Variants in ERC1 observed in about 807,000 individuals in gnomAD.
ERC1 encodes RAB6 interacting protein 2.
A neutral mutation model predicts 132.0 loss-of-function variants in ERC1; 56 were observed. The observed-to-expected ratio is 0.42, with a 90% CI of 0.34 to 0.53. ERC1 has a LOEUF of 0.53. ERC1 is among the 20% of genes least tolerant of loss of function. ERC1 has a pLI of 0.03. For missense variants in ERC1, 1,202 were observed against 1,349.9 expected (o/e 0.89, Z 1.72); for synonymous variants, 478 against 476.1 (o/e 1.00, Z -0.05).
intron 14 of ERC1, among the ~76,000 whole-genome samples, chr12:1,275,554 G>A (rs2078205410): frequency 6.6e-6 from 1 of 152,178 alleles, no homozygotes; most frequent in Admixed American, 6.5e-5. Context: ...AGGACATGTA[G>A]GGTGATGGCA....
At chr12:1,028,851 CT>C (rs748620568) in intron 2 of ERC1, among the ~76,000 whole-genome samples, 3 of 139,122 alleles carry the variant, frequency 2.2e-5, no homozygotes, top group Admixed American at 7.3e-5. Flanking sequence ...CATATGTTAT[CT>C]TTTTTTTTTT....
At position 1,266,391 on chromosome 12, in the gene ERC1, C is replaced by CTTTTTTTTTTT. The variant is rs71293128; in HGVS notation, c.2619+3247_2619+3257dup. Among the ~76,000 whole-genome samples, 24 of 43,016 alleles carry CTTTTTTTTTTT rather than the reference C, an allele frequency of 5.6e-4. 8 individuals carry two copies. Among genetic ancestry groups the CTTTTTTTTTTT allele is most frequent in the African/African-American group, 7.7e-4 (7 of 9,074 alleles). The allele number at this position is 43,016 out of a possible 152,430, so 28.2% of individuals were successfully genotyped here. ...TATTATTATTTTTATCGTTTCCTGT[C>CTTTTTTTTTTT]TTTTTTTTTTTTTTTTTTTTTTTTT... On this transcript the variant is annotated intron_variant, in intron 14 of 18. Transcript: ENST00000360905.
chr12:1,390,019 A>T (rs1193874714), intron 16 of ERC1, among the ~76,000 whole-genome samples: 1 of 151,910 alleles, frequency 6.6e-6, no homozygotes, highest in East Asian at 1.9e-4. Flanking sequence ...TTTCCTCTCC[A>T]CTCATGGGGT....
rs540642378 is a variant in ERC1 at position 1,493,180 on chromosome 12, T to C, written c.*2950T>C. ...TTGAATCATTGATGAGGTATCTCAATTGAGATTTGCAAGGACTTTGATACC... is the reference window on the plus strand; with the variant it reads ...TTGAATCATTGATGAGGTATCTCAACTGAGATTTGCAAGGACTTTGATACC... On this transcript the variant is annotated 3_prime_UTR_variant, in exon 19 of 19. Coordinates refer to ENST00000360905, the MANE Select transcript of ERC1 (RefSeq NM_178040.4). The C allele has an allele frequency of 2.0e-5, 4 of 202,272 alleles. No individual in the cohort carries two copies. The highest frequency in any genetic ancestry group is 4.1e-5 in the Non-Finnish European group (4 of 98,234). The allele number at this position is 202,272 out of a possible 1,614,324, so 12.5% of individuals were successfully genotyped here.
rs117678116 is a variant in ERC1 at position 1,424,165 on chromosome 12, C to T, written c.3024+15918C>T. ...CCTCCAAGGTTGACTGAGCGTTGGT[C>T]CTAGCCTTCTAATAACTAATATTGA... On this transcript the variant is annotated intron_variant, in intron 17 of 18. Transcript: ENST00000360905. Among the ~76,000 whole-genome samples, 281 of 152,162 alleles carry T rather than the reference C, an allele frequency of 1.8e-3. 1 individual carries two copies. The East Asian group carries it at 0.024, about 13-fold the overall frequency.
At chr12:1,096,486 A>G (rs1944056004) in intron 3 of ERC1, among the ~76,000 whole-genome samples, 2 of 152,224 alleles carry the variant, frequency 1.3e-5, no homozygotes, top group Admixed American at 1.3e-4. Flanking sequence ...TTAAAGTTCG[A>G]CACTCATTTA....
Position 1,110,278 on chromosome 12 carries a change from T to A in ERC1, c.1248T>A (p.Thr416=), listed in dbSNP as rs767421291. The A allele has an allele frequency of 1.9e-6, 3 of 1,613,518 alleles. No homozygotes were observed. The African/African-American group carries it at 4.0e-5, about 22-fold the overall frequency. ...QMLKSNGALS[T]EEREEEMKQM... Reference sequence around the variant, plus strand: ...TGAAATCGAATGGTGCTTTGAGTACTGAGGAAAGGGAAGAAGAAATGAAGC... The same window carrying A: ...TGAAATCGAATGGTGCTTTGAGTACAGAGGAAAGGGAAGAAGAAATGAAGC... The change falls in exon 5 of 19, where the codon ACT becomes ACA. Residue 416 remains threonine (T), a synonymous_variant. Transcript: ENST00000360905.
intron 15 of ERC1, among the ~76,000 whole-genome samples, chr12:1,330,308 A>C (rs1434760145): frequency 6.6e-6 from 1 of 152,216 alleles, no homozygotes; most frequent in Non-Finnish European, 1.5e-5. Flanking sequence ...ACTTGCTCTT[A>C]GCTAAGGCTG....
At chr12:1,346,671 G>A (rs12319864) in intron 15 of ERC1, among the ~76,000 whole-genome samples, 2,433 of 152,272 alleles carry the variant, frequency 0.016, 67 homozygotes, top group African/African-American at 0.055. Context: ...GGCCGGGCGC[G>A]GTGGCTCACG....
intron 15 of ERC1, among the ~76,000 whole-genome samples, chr12:1,321,647 A>G (rs995548357): frequency 6.6e-6 from 1 of 152,182 alleles, no homozygotes; most frequent in Non-Finnish European, 1.5e-5. Flanking sequence ...GCTTTAGGTG[A>G]TATACTGGGA....
intron 18 of ERC1, among the ~76,000 whole-genome samples, chr12:1,482,310 A>AC (rs1034929496): frequency 2.9e-5 from 4 of 138,100 alleles, no homozygotes; most frequent in South Asian, 2.3e-4. Context: ...GAAAATACCC[A>AC]CCCCCCCAAC....
At chr12:1,118,431 A>C (rs2154212894) in intron 7 of ERC1, among the ~76,000 whole-genome samples, 1 of 152,234 alleles carries the variant, frequency 6.6e-6, no homozygotes, top group South Asian at 2.1e-4. Flanking sequence ...TACCATAGAG[A>C]ATAGATTGTA....
chr12:1,058,543 A>G (rs529843080), intron 2 of ERC1, among the ~76,000 whole-genome samples: 1 of 151,882 alleles, frequency 6.6e-6, no homozygotes, highest in Non-Finnish European at 1.5e-5. Flanking sequence ...GTTCTGTCCT[A>G]TTGGTCTATG....
chr12:1,473,696 T>G (rs1165440492), intron 18 of ERC1, among the ~76,000 whole-genome samples: 2 of 150,920 alleles, frequency 1.3e-5, no homozygotes, highest in East Asian at 3.9e-4. Flanking sequence ...CTCACAGCCA[T>G]TACCACTTCC....
intron 2 of ERC1, among the ~76,000 whole-genome samples, chr12:1,054,764 G>A (rs189970467): frequency 3.9e-5 from 6 of 152,268 alleles, no homozygotes; most frequent in Admixed American, 3.9e-4. Flanking sequence ...TACTGTGAAT[G>A]CCCAGTAGTA....
At chr12:1,470,323 T>C (rs573592314) in intron 18 of ERC1, among the ~76,000 whole-genome samples, 19 of 152,272 alleles carry the variant, frequency 1.2e-4, no homozygotes, top group African/African-American at 4.1e-4. Context: ...AGAGATTGCC[T>C]GGACGTGGAT....
At chr12:1,028,629 GC>G (rs1592788585) in intron 2 of ERC1, 57 bp downstream of exon 2, 7 of 1,383,018 alleles carry the variant, frequency 5.1e-6, no homozygotes, top group Admixed American at 2.2e-5. Context: ...AAATGAAATA[GC>G]CTTTTTTTCC....
At chr12:1,438,543 T>A (rs1304286871) in intron 17 of ERC1, among the ~76,000 whole-genome samples, 1 of 152,224 alleles carries the variant, frequency 6.6e-6, no homozygotes, top group Non-Finnish European at 1.5e-5. Context: ...AAAGATTTTG[T>A]AGCCACTTCA....
chr12:1,046,283 A>G (rs750320314), intron 2 of ERC1, among the ~76,000 whole-genome samples: 1 of 152,198 alleles, frequency 6.6e-6, no homozygotes, highest in Admixed American at 6.5e-5. Flanking sequence ...TATTAAGGCA[A>G]CTTGGTCATG....
Sources: gnomAD v4.1 joint callset for allele counts (sites outside exome capture counted in the v4.1 genomes callset) on GRCh38, gnomAD v4.1.1 for gene constraint, MANE v1.5 for transcripts, NCBI Gene and HGNC (gene_info 2026-07-23, HGNC 2026-07-21) for gene names.